Variants in CCDC117 observed in about 807,000 individuals in gnomAD.
The protein encoded by CCDC117 is coiled-coil domain-containing protein 117.
CCDC117 carries 1 observed loss-of-function variant against 23.5 expected under a neutral mutation model. The observed-to-expected ratio is 0.04, with a 90% CI of 0.02 to 0.20. The LOEUF (loss-of-function observed/expected upper bound fraction) is 0.20, where lower values mean the gene tolerates loss of function less well. Among genes scored for constraint, CCDC117 ranks in the 10% least tolerant of loss-of-function variants. The pLI, the probability that CCDC117 is intolerant of heterozygous loss-of-function variation, is 1.00. For synonymous variants in CCDC117, 132 were observed against 124.8 expected, an observed-to-expected ratio of 1.06 and a Z score of -0.39; for missense variants, 383 against 348.2, an observed-to-expected ratio of 1.10 and a Z score of -0.80.
At position 28,787,960 on chromosome 22, in the gene CCDC117, C is replaced by G. The variant is rs1297637742; in HGVS notation, c.*1634C>G. 6.6e-6 allele frequency: 1 copy of G among 152,604 alleles called. No individual in the cohort carries two copies. Among genetic ancestry groups the G allele is most frequent in the East Asian group, 1.9e-4 (1 of 5,194 alleles). The allele number at this position is 152,604 out of a possible 1,614,324, so 9.5% of individuals were successfully genotyped here. Reference sequence around the variant, plus strand: ...TGGAACCCTTACTGAAATCCCTCCCCTTGTTACAGATGGCGTAGAAGTCAC... The same window carrying G: ...TGGAACCCTTACTGAAATCCCTCCCGTTGTTACAGATGGCGTAGAAGTCAC... On this transcript the variant is annotated 3_prime_UTR_variant, in exon 5 of 5. Coordinates refer to ENST00000249064, the MANE Select transcript of CCDC117 (RefSeq NM_173510.4).
chr22:28,772,778 G>A lies in CCDC117; in HGVS notation c.-72G>A, dbSNP rs2031020520. 2 of 1,178,162 alleles carry A rather than the reference G, an allele frequency of 1.7e-6. No homozygotes were observed. The highest frequency in any genetic ancestry group is 2.1e-6 in the Non-Finnish European group (2 of 944,468). The allele number at this position is 1,178,162 out of a possible 1,614,324, so 73.0% of individuals were successfully genotyped here. A position where few individuals can be genotyped will look rare whatever the true frequency, so the allele number is the denominator to read the frequency against. On this transcript the variant is annotated 5_prime_UTR_variant, in exon 1 of 5. The change creates a new upstream start codon in the 5' untranslated region. Transcript: ENST00000249064. ...AGGCTGGCGGGTTTTGGCAGTAGCTGTGGCTGCGGCTGCCGGGCCTGGGGA... is the reference window on the plus strand; with the variant it reads ...AGGCTGGCGGGTTTTGGCAGTAGCTATGGCTGCGGCTGCCGGGCCTGGGGA...
At chr22:28,776,887 T>A (rs1409293690) in intron 2 of CCDC117, among the ~76,000 whole-genome samples, 1 of 151,264 alleles carries the variant, frequency 6.6e-6, no homozygotes, top group Non-Finnish European at 1.5e-5. Context: ...CCCAACCAAT[T>A]TTTTGTATTT....
At chr22:28,782,809 T>A (rs2031390387) in intron 3 of CCDC117, among the ~76,000 whole-genome samples, 1 of 152,136 alleles carries the variant, frequency 6.6e-6, no homozygotes, top group South Asian at 2.1e-4. Context: ...TGGCCTCAGG[T>A]GATCTGCCTA....
rs550711601 is a variant in CCDC117, at chr22:28,782,498, G to A, written c.465-1010G>A. On this transcript the variant is annotated intron_variant, in intron 3 of 4. Coordinates refer to ENST00000249064, the MANE Select transcript of CCDC117 (RefSeq NM_173510.4). ...CTGTTGCTCAGGCTGGAGTGCAGTGGTGCGATCTCAGCTCATTGCAATCTC... is the reference window on the plus strand; with the variant it reads ...CTGTTGCTCAGGCTGGAGTGCAGTGATGCGATCTCAGCTCATTGCAATCTC... 3.7e-4 allele frequency among the ~76,000 whole-genome samples: 57 copies of A among 152,102 alleles called. 1 individual carries two copies. The highest frequency in any genetic ancestry group is 3.5e-3 in the Admixed American group (54 of 15,266).
chr22:28,773,125 C>A, intron 1 of CCDC117, 91 bp downstream of exon 1: 1 of 570,308 alleles, frequency 1.8e-6, no homozygotes, highest in Non-Finnish European at 2.2e-6. Context: ...GGGGCGCGGG[C>A]TCCGCGCCGG....
rs749911759 is a variant in CCDC117 at position 28,783,600 on chromosome 22, A to G, written c.557A>G (p.Lys186Arg). Residue 186 changes from lysine to arginine, a missense_variant, in exon 4 of 5, where the codon AAG becomes AGG. Lys to Arg is a conservative substitution (Grantham distance 26). Coordinates refer to ENST00000249064, the MANE Select transcript of CCDC117 (RefSeq NM_173510.4). ...TCTGATACCATGAAAACAGGTTTGA[A>G]GAGGGAATTTGATGAAGTTTTTACA... ...VLSDTMKTGL[K>R]REFDEVFTKK... 43 of 1,613,814 alleles carry G rather than the reference A, an allele frequency of 2.7e-5. No individual in the cohort carries two copies. Among genetic ancestry groups the G allele is most frequent in the Non-Finnish European group, 3.6e-5 (42 of 1,179,910 alleles).
Position 28,772,979 on chromosome 22 carries a change from C to A in CCDC117, c.130C>A (p.Arg44=). 8.3e-7 allele frequency: 1 copy of A among 1,197,960 alleles called. No homozygotes were observed. The highest frequency in any genetic ancestry group is 1.0e-6 in the Non-Finnish European group (1 of 965,666). 74.2% of individuals were successfully genotyped at this position (1,197,960 alleles called of 1,614,324 possible). A position where few individuals can be genotyped will look rare whatever the true frequency, so the allele number is the denominator to read the frequency against. The change falls in exon 1 of 5, where the codon CGG becomes AGG. Residue 44 remains arginine, a synonymous_variant. Transcript: ENST00000249064. ...PGADGAELAP[R]PGPRAVPSSP... is the part of the protein sequence containing the mutation. ...GGCTGACGGCGCCGAGTTGGCCCCG[C>A]GGCCGGGACCTCGCGCAGTCCCTAG... is the stretch of plus-strand genomic sequence containing the variant.
intron 4 of CCDC117, 40 bp from the exon 5 acceptor site, chr22:28,786,049 C>T: frequency 1.4e-6 from 2 of 1,473,338 alleles, no homozygotes; most frequent in Non-Finnish European, 1.9e-6. Context: ...GTTTTCATGT[C>T]CTAAAATTTT....
intron 2 of CCDC117, among the ~76,000 whole-genome samples, chr22:28,778,057 G>A (rs949170117): frequency 6.6e-6 from 1 of 151,976 alleles, no homozygotes; most frequent in Non-Finnish European, 1.5e-5. Context: ...CTGTTAGCCA[G>A]GATGGTCTCT....
intron 2 of CCDC117, among the ~76,000 whole-genome samples, chr22:28,775,238 G>A (rs986643531): frequency 6.6e-6 from 1 of 152,210 alleles, no homozygotes; most frequent in Admixed American, 6.5e-5. Flanking sequence ...TCCAGCCTGG[G>A]CAGTAGAGTG....
At chr22:28,774,150 C>G (rs34751572) in intron 2 of CCDC117, among the ~76,000 whole-genome samples, 16,919 of 148,584 alleles carry the variant, frequency 0.11, 1,129 homozygotes, top group South Asian at 0.28. Context: ...TCACTGCAAT[C>G]TCCGCCTCCC....
chr22:28,783,541 C>T lies in CCDC117; in HGVS notation c.498C>T (p.Asp166=). ...ATGAAGATGAAGAAGTTGAAGCTGA[C>T]AGAAATGTTAACCATCTCCCCAGTC... The part of the protein sequence containing the change: ...IIDEDEEVEA[D]RNVNHLPSLV... Residue 166 remains aspartate (D), a synonymous_variant, in exon 4 of 5, where the codon GAC becomes GAT. Transcript: ENST00000249064. 3.1e-6 allele frequency: 5 copies of T among 1,613,752 alleles called. No individual in the cohort carries two copies. Among genetic ancestry groups the T allele is most frequent in the Non-Finnish European group, 4.2e-6 (5 of 1,179,840 alleles).
intron 2 of CCDC117, among the ~76,000 whole-genome samples, chr22:28,774,643 G>C (rs928885661): frequency 6.6e-6 from 1 of 151,978 alleles, no homozygotes; most frequent in Admixed American, 6.6e-5. Context: ...TTACAGGTGT[G>C]AACCGTCCCC....
At chr22:28,774,493 T>A (rs559233791) in intron 2 of CCDC117, among the ~76,000 whole-genome samples, 11 of 149,222 alleles carry the variant, frequency 7.4e-5, no homozygotes, top group Non-Finnish European at 1.3e-4. Context: ...AGCTTCAGCC[T>A]CCTGAACAGC....
chr22:28,777,372 T>C (rs895355318), intron 2 of CCDC117, among the ~76,000 whole-genome samples: 2 of 152,276 alleles, frequency 1.3e-5, no homozygotes, highest in African/African-American at 4.8e-5. Flanking sequence ...ATTGTTTGTT[T>C]TGTAATTATT....
chr22:28,774,115 T>TGGA (rs975074090), intron 2 of CCDC117, among the ~76,000 whole-genome samples: 1 of 150,190 alleles, frequency 6.7e-6, no homozygotes, highest in South Asian at 2.2e-4. Context: ...TCGCCCAGGC[T>TGGA]GGAGTGCAGT....
chr22:28,779,118 A>G (rs1254570667), intron 2 of CCDC117, among the ~76,000 whole-genome samples: 4 of 152,036 alleles, frequency 2.6e-5, no homozygotes, highest in Non-Finnish European at 5.9e-5. Flanking sequence ...ACACACCACG[A>G]CACTCGCCTT....
chr22:28,782,016 C>A (rs1744529594), intron 3 of CCDC117, among the ~76,000 whole-genome samples: 1 of 147,512 alleles, frequency 6.8e-6, no homozygotes, highest in African/African-American at 2.5e-5. Context: ...TGGCTCACTG[C>A]AGTCTTAACC....
chr22:28,774,545 A>T (rs913918819), intron 2 of CCDC117, among the ~76,000 whole-genome samples: 4 of 151,726 alleles, frequency 2.6e-5, no homozygotes, highest in African/African-American at 4.8e-5. Context: ...CTAATTTTTT[A>T]AAAAATTTTT....
Sources: allele counts gnomAD v4.1 joint callset (sites outside exome capture counted in the v4.1 genomes callset), GRCh38; gene constraint gnomAD v4.1.1; transcripts MANE v1.5; gene names NCBI Gene and HGNC (gene_info 2026-07-23, HGNC 2026-07-21).